BIN3: variants seen among roughly 807,000 people sequenced by gnomAD.
The protein encoded by BIN3 is bridging integrator 3.
Under a neutral mutation model 38.2 loss-of-function variants are expected in BIN3, and 41 were observed. The observed-to-expected ratio is 1.07, with a 90% CI of 0.84 to 1.39. BIN3 has a LOEUF of 1.39. Among genes scored for constraint, BIN3 ranks in the 40% most tolerant of loss-of-function variants. The pLI, the probability that BIN3 is intolerant of heterozygous loss-of-function variation, is 0.00. For synonymous variants in BIN3, 145 were observed against 122.6 expected (o/e 1.18, Z -1.21); for missense variants, 361 against 324.3 (o/e 1.11, Z -0.87).
chr8:22,643,149 A>G lies in BIN3; in HGVS notation c.57+1606T>C, dbSNP rs193276590. Among the ~76,000 whole-genome samples, 670 of 152,328 alleles carry G rather than the reference A, an allele frequency of 4.4e-3. 1 individual carries two copies. The highest frequency in any genetic ancestry group is 8.2e-3 in the Admixed American group (125 of 15,306). ...TTCCCTTTCAGATCTGTCATGGATT[A>G]AACTCTGGAGACTCAAAGCCACACC... On this transcript the variant is annotated intron_variant, in intron 2 of 8. Transcript: ENST00000276416.
intron 6 of BIN3, chr8:22,625,716 G>C (rs1004854799): frequency 3.3e-6 from 1 of 300,772 alleles, no homozygotes; most frequent in Non-Finnish European, 6.5e-6. Flanking sequence ...GCCTCCCGAA[G>C]AGCTAGGATT....
intron 1 of BIN3, among the ~76,000 whole-genome samples, chr8:22,653,456 T>C (rs980607249): frequency 3.9e-5 from 6 of 152,246 alleles, no homozygotes; most frequent in African/African-American, 1.4e-4. Flanking sequence ...TTAAATCCAA[T>C]TTTCTCTCTA....
At chr8:22,638,074 A>C (rs753493233) in intron 2 of BIN3, among the ~76,000 whole-genome samples, 1 of 150,480 alleles carries the variant, frequency 6.6e-6, no homozygotes, top group Non-Finnish European at 1.5e-5. Flanking sequence ...CCAAGAAAGA[A>C]GTCTTCCTGG....
chr8:22,636,758 C>CA, intron 3 of BIN3, 164 bp downstream of exon 3: 1 of 996,904 alleles, frequency 1.0e-6, no homozygotes, highest in Non-Finnish European at 1.5e-6. Flanking sequence ...GAATGACTCT[C>CA]ACATGGCCAT....
intron 1 of BIN3, among the ~76,000 whole-genome samples, chr8:22,655,628 T>C (rs927816173): frequency 1.3e-5 from 2 of 152,216 alleles, no homozygotes; most frequent in African/African-American, 4.8e-5. Flanking sequence ...CATCTACATG[T>C]CCATCTTGAT....
chr8:22,631,739 G>A (rs1385082012), intron 4 of BIN3, among the ~76,000 whole-genome samples: 4 of 152,278 alleles, frequency 2.6e-5, no homozygotes, highest in East Asian at 1.9e-4. Context: ...CCCCATGAAT[G>A]TGCCGCCCAC....
chr8:22,646,189 G>C (rs564875757), intron 1 of BIN3, among the ~76,000 whole-genome samples: 70 of 152,306 alleles, frequency 4.6e-4, no homozygotes, highest in Non-Finnish European at 7.8e-4. Context: ...AGGAAGAAAA[G>C]AGGCCAGGCT....
At position 22,640,138 on chromosome 8, in the gene BIN3, T is replaced by C. The variant is rs190551619; in HGVS notation, c.58-3176A>G. On this transcript the variant is annotated intron_variant, in intron 2 of 8. Coordinates refer to ENST00000276416, the MANE Select transcript of BIN3 (RefSeq NM_018688.6). ...TCGGCCTCCCAAAGTGTTGGGATTA[T>C]AGGCGTGAGCCACTGTGCCCAGCCT... 4.5e-3 allele frequency among the ~76,000 whole-genome samples: 691 copies of C among 151,966 alleles called. 6 individuals are homozygous for C. The highest frequency in any genetic ancestry group is 7.9e-3 in the Non-Finnish European group (534 of 67,964).
intron 1 of BIN3, among the ~76,000 whole-genome samples, chr8:22,647,689 G>T (rs1458979256): frequency 6.6e-6 from 1 of 152,136 alleles, no homozygotes; most frequent in Non-Finnish European, 1.5e-5. Context: ...CACGCAGACG[G>T]AACAGCTCTT....
intron 4 of BIN3, among the ~76,000 whole-genome samples, chr8:22,632,049 G>A (rs1254443303): frequency 1.3e-5 from 2 of 152,214 alleles, no homozygotes; most frequent in African/African-American, 4.8e-5. Flanking sequence ...CCATATGCAT[G>A]TTACTGAATT....
intron 1 of BIN3, among the ~76,000 whole-genome samples, chr8:22,648,160 A>C (rs1289678537): frequency 6.6e-6 from 1 of 151,836 alleles, no homozygotes; most frequent in Non-Finnish European, 1.5e-5. Flanking sequence ...AAAAAGGAAA[A>C]GAAAAATTGT....
Position 22,629,132 on chromosome 8 carries a change from G to A in BIN3, c.338+832C>T, listed in dbSNP as rs191783230. Among the ~76,000 whole-genome samples, 118 of 152,318 alleles carry A rather than the reference G, an allele frequency of 7.7e-4. 1 individual carries two copies. The highest frequency in any genetic ancestry group is 2.7e-3 in the African/African-American group (111 of 41,574). On this transcript the variant is annotated intron_variant, in intron 6 of 8. Coordinates refer to ENST00000276416, the MANE Select transcript of BIN3 (RefSeq NM_018688.6). ...ACAGCTCAGCAATCCGAAACACCAG[G>A]GGCTGCAGGATCAAAAACTGCTCCT...
In BIN3 at chr8:22,636,954, T is replaced by A; in HGVS notation, c.66A>T (p.Arg22Ser). 1.2e-6 allele frequency: 2 copies of A among 1,613,082 alleles called. No individual in the cohort carries two copies. The highest frequency in any genetic ancestry group is 2.2e-5 in the South Asian group (2 of 91,052). The change falls in exon 3 of 9, where the codon AGA (arginine) becomes AGT (serine). Residue 22 changes from arginine (R) to serine (S), a missense_variant. Arg to Ser is a moderately radical substitution (Grantham distance 110). Transcript: ENST00000276416. Reference sequence around the variant, plus strand: ...GTTTTCCATACTCCCTTTCAAAGTCTCTCTCCACCTGAAACGAGAGAGATA... The same window carrying A: ...GTTTTCCATACTCCCTTTCAAAGTCACTCTCCACCTGAAACGAGAGAGATA... ...KKQIVPKTVERDFEREYGKLQ... is the reference protein window; with the variant it reads ...KKQIVPKTVESDFEREYGKLQ...
intron 6 of BIN3, 28 bp from the exon 7 acceptor site, chr8:22,624,391 C>G: frequency 3.1e-6 from 5 of 1,603,462 alleles, no homozygotes; most frequent in Non-Finnish European, 4.3e-6. Flanking sequence ...TGGAGATGGG[C>G]CCGTTCTTGA....
At chr8:22,630,852 G>A (rs961274084) in intron 4 of BIN3, among the ~76,000 whole-genome samples, 11 of 152,152 alleles carry the variant, frequency 7.2e-5, no homozygotes, top group Non-Finnish European at 1.2e-4. Flanking sequence ...ATCTGGGTGG[G>A]AGGCTATAAA....
intron 1 of BIN3, among the ~76,000 whole-genome samples, chr8:22,653,373 A>G (rs959646954): frequency 2.0e-5 from 3 of 152,192 alleles, no homozygotes; most frequent in African/African-American, 7.2e-5. Flanking sequence ...ATGTTTTGTT[A>G]TGCTTTGCTA....
At chr8:22,651,203 G>C (rs935957354) in intron 1 of BIN3, among the ~76,000 whole-genome samples, 9 of 152,088 alleles carry the variant, frequency 5.9e-5, no homozygotes, top group Non-Finnish European at 1.3e-4. Flanking sequence ...CCTAAAATTG[G>C]TAATTGTCAC....
intron 1 of BIN3, among the ~76,000 whole-genome samples, chr8:22,668,148 G>T (rs557015477): frequency 6.2e-4 from 95 of 152,314 alleles, no homozygotes; most frequent in Non-Finnish European, 1.2e-3. Context: ...GGGCCTGACG[G>T]TAAGGTAAGG....
chr8:22,632,526 C>T (rs1039101157), intron 4 of BIN3, among the ~76,000 whole-genome samples: 7 of 152,118 alleles, frequency 4.6e-5, no homozygotes, highest in African/African-American at 1.2e-4. Context: ...TAGGAACAAA[C>T]GTTACGTATA....
Sources: gnomAD v4.1 joint callset for allele counts (sites outside exome capture counted in the v4.1 genomes callset) on GRCh38, gnomAD v4.1.1 for gene constraint, MANE v1.5 for transcripts, NCBI Gene and HGNC (gene_info 2026-07-23, HGNC 2026-07-21) for gene names.